The following EVC2 variants were observed in gnomAD, a reference collection of about 807,000 sequenced individuals.
EVC2 encodes the protein EvC ciliary complex subunit 2.
In EVC2, 148 loss-of-function variants were observed where a neutral mutation model predicts 149.3. That is an observed-to-expected ratio of 0.99 (90% CI 0.87 to 1.14). The LOEUF is 1.14. Among genes scored for constraint, EVC2 ranks in the 50% most tolerant of loss-of-function variants. The pLI is 0.00. For missense variants in EVC2, 1,854 were observed against 1,627.3 expected (o/e 1.14, Z -2.40); for synonymous variants, 776 against 649.9 (o/e 1.19, Z -2.95).
At chr4:5,532,456 T>G in the EVC2 span, among the ~76,000 whole-genome samples, 1 of 152,270 alleles carries the variant, frequency 6.6e-6, no homozygotes, top group Middle Eastern at 3.4e-3. Context: ...ACTCATACAA[T>G]TAACCAGCAC....
intron 7 of EVC2, among the ~76,000 whole-genome samples, chr4:5,676,301 C>A (rs1440100371): frequency 2.0e-5 from 3 of 152,198 alleles, no homozygotes; most frequent in African/African-American, 7.2e-5. Flanking sequence ...TCAGTTTCAC[C>A]CTCAGGAAAG....
intron 1 of EVC2, among the ~76,000 whole-genome samples, chr4:5,700,123 G>A (rs1391816688): frequency 6.6e-6 from 1 of 152,172 alleles, no homozygotes; most frequent in Non-Finnish European, 1.5e-5. Flanking sequence ...ATGGGTGACA[G>A]AGCGAGACTC....
intron 19 of EVC2, among the ~76,000 whole-genome samples, chr4:5,571,665 T>C (rs1452245149): frequency 1.3e-5 from 2 of 152,168 alleles, no homozygotes; most frequent in East Asian, 3.9e-4. Flanking sequence ...TTTTCTCTAG[T>C]ACAAAAAGAA....
intron 3 of EVC2, among the ~76,000 whole-genome samples, chr4:5,692,596 G>C (rs979346879): frequency 3.9e-5 from 6 of 151,986 alleles, no homozygotes; most frequent in Non-Finnish European, 8.8e-5. Flanking sequence ...TGCCGGGCGC[G>C]GTGGCTCACG....
intron 3 of EVC2, among the ~76,000 whole-genome samples, chr4:5,692,873 C>CAAAAAAA: frequency 2.7e-5 from 1 of 37,224 alleles, no homozygotes; most frequent in Non-Finnish European, 5.6e-5. Flanking sequence ...GACTCCGTCT[C>CAAAAAAA]AAAAAAAAAA....
rs1416506516 is a variant in EVC2, at chr4:5,568,568, C to A, written c.3433G>T (p.Val1145Leu). 2 of 1,606,680 alleles carry A rather than the reference C, an allele frequency of 1.2e-6. No individual in the cohort carries two copies. Among genetic ancestry groups the A allele is most frequent in the African/African-American group, 2.7e-5 (2 of 74,880 alleles). Reference protein sequence around the residue: ...PGATLRRLLSVVLPTASQPQL... With the variant: ...PGATLRRLLSLVLPTASQPQL... ...GGCTGTGAGGCTGTGGGCAGTACCA[C>A]ACTCAGGAGCCGGCGAAGCGTGGCC... Residue 1145 changes from valine to leucine, a missense_variant, in exon 20 of 22, where the codon GTG becomes TTG. Val to Leu is a conservative substitution (Grantham distance 32). Coordinates refer to ENST00000344408, the MANE Select transcript of EVC2 (RefSeq NM_147127.5).
chr4:5,661,447 A>G (rs1476311449), intron 9 of EVC2, among the ~76,000 whole-genome samples: 1 of 152,202 alleles, frequency 6.6e-6, no homozygotes, highest in Admixed American at 6.5e-5. Context: ...AATCAAAAAT[A>G]CACAGAGATA....
At position 5,622,428 on chromosome 4, in the gene EVC2, G is replaced by T; in HGVS notation, c.2501+109C>A. The T allele has an allele frequency of 7.8e-7, 1 of 1,276,758 alleles. No homozygotes were observed. Among genetic ancestry groups the T allele is most frequent in the Non-Finnish European group, 1.1e-6 (1 of 896,496 alleles). 79.1% of individuals were successfully genotyped at this position (1,276,758 alleles called of 1,614,324 possible). ...CTAATTAACGCTGGTAATCTCATCT[G>T]TCTGGGGCCAGGTGTCTCATGCTTG... On this transcript the variant is annotated intron_variant, in intron 14 of 21. Transcript: ENST00000344408. The surrounding 1 kb of genome is among the most constrained non-coding windows in gnomAD (Gnocchi z 5.8).
chr4:5,689,779 C>T (rs1462183341), intron 4 of EVC2, among the ~76,000 whole-genome samples: 5 of 152,148 alleles, frequency 3.3e-5, no homozygotes, highest in East Asian at 3.9e-4. Flanking sequence ...GCTGCTCGTC[C>T]GCCTCTTGGA....
rs1716955340 is a variant in EVC2 at position 5,637,350 on chromosome 4, T to C, written c.1470+3164A>G. Among the ~76,000 whole-genome samples the C allele has an allele frequency of 6.6e-6, 1 of 152,192 alleles. No homozygotes were observed. Among genetic ancestry groups the C allele is most frequent in the South Asian group, 2.1e-4 (1 of 4,822 alleles). On this transcript the variant is annotated intron_variant, in intron 10 of 21. Transcript: ENST00000344408. This position sits in a 1 kb window ranked among gnomAD's most constrained non-coding sequence, Gnocchi z 4.4. ...GGGGGCATGCTGCTGGACATGAGGC[T>C]GACTGTCCTCGGGCAGGTGAACCTT...
In EVC2 at chr4:5,618,115, A is replaced by G. The variant is rs1560168420; in HGVS notation, c.2706+363T>C. Among the ~76,000 whole-genome samples the G allele has an allele frequency of 1.3e-5, 2 of 152,132 alleles. No individual in the cohort carries two copies. The highest frequency in any genetic ancestry group is 1.9e-4 in the East Asian group (1 of 5,182). Reference sequence around the variant, plus strand: ...TATGCCATATAGAAAGGCCTTTTGTACCCAGAGTCAGTCATTAGCTGTGGC... The same window carrying G: ...TATGCCATATAGAAAGGCCTTTTGTGCCCAGAGTCAGTCATTAGCTGTGGC... On this transcript the variant is annotated intron_variant, in intron 15 of 21. Transcript: ENST00000344408. The surrounding 1 kb of genome is among the most constrained non-coding windows in gnomAD (Gnocchi z 4.4).
chr4:5,563,125 T>C lies in EVC2; in HGVS notation c.3660-10A>G, dbSNP rs371900491. On this transcript the variant is annotated splice_polypyrimidine_tract_variant and intron_variant, in intron 21 of 21. Coordinates refer to ENST00000344408, the MANE Select transcript of EVC2 (RefSeq NM_147127.5). ...TGTCTTCTTTAATATGCTAAAGAAATAGCAAAAGATCAAATTCAATATTTT... is the reference window on the plus strand; with the variant it reads ...TGTCTTCTTTAATATGCTAAAGAAACAGCAAAAGATCAAATTCAATATTTT... 3.2e-5 allele frequency: 52 copies of C among 1,609,700 alleles called. No homozygotes were observed. The highest frequency in any genetic ancestry group is 3.9e-5 in the Non-Finnish European group (46 of 1,178,030).
At chr4:5,685,785 C>T (rs1466008986) in intron 5 of EVC2, among the ~76,000 whole-genome samples, 1 of 152,204 alleles carries the variant, frequency 6.6e-6, no homozygotes, top group Non-Finnish European at 1.5e-5. Flanking sequence ...CCCTTTCTCA[C>T]TGTGCAGCGC....
chr4:5,565,245 T>TCCCCA lies in EVC2; in HGVS notation c.3659+12_3659+13insTGGGG. 1.2e-6 allele frequency: 2 copies of TCCCCA among 1,612,114 alleles called. No individual in the cohort carries two copies. Among genetic ancestry groups the TCCCCA allele is most frequent in the Non-Finnish European group, 1.7e-6 (2 of 1,178,472 alleles). On this transcript the variant is annotated intron_variant, in intron 21 of 21. Transcript: ENST00000344408. ...CCCCCTCCCCAGCCACATGAGCAGG[T>TCCCCA]GCCCATCATTACCTCTGCTTTCTCT...
At chr4:5,654,781 A>G (rs10804964) in intron 9 of EVC2, among the ~76,000 whole-genome samples, 104,591 of 152,092 alleles carry the variant, frequency 0.69, 36,597 homozygotes, top group African/African-American at 0.82. Flanking sequence ...TTGTTGAGTC[A>G]GGCCCCTATG....
rs550461908 is a variant in EVC2 at position 5,637,852 on chromosome 4, G to A, written c.1470+2662C>T. Among the ~76,000 whole-genome samples, 49 of 149,016 alleles carry A rather than the reference G, an allele frequency of 3.3e-4. No individual in the cohort carries two copies. The South Asian group carries it at 9.6e-3, about 29-fold the overall frequency. ...CTTTTTCTTTTTCAGCTTTGGTTCT[G>A]AAATCAGACAGCCTTTCTGTAAGGG... is the stretch of plus-strand genomic sequence containing the variant. On this transcript the variant is annotated intron_variant, in intron 10 of 21. Transcript: ENST00000344408. The surrounding 1 kb of genome is among the most constrained non-coding windows in gnomAD (Gnocchi z 4.4).
intron 16 of EVC2, among the ~76,000 whole-genome samples, chr4:5,597,036 T>C (rs1713491226): frequency 6.6e-6 from 1 of 152,192 alleles, no homozygotes; most frequent in Non-Finnish European, 1.5e-5. Context: ...AATCTCGGAA[T>C]AGACTAATAA....
Position 5,568,448 on chromosome 4 carries a change from G to T in EVC2, c.3553C>A (p.Arg1185=), listed in dbSNP as rs545528367. The T allele has an allele frequency of 2.0e-5, 31 of 1,554,836 alleles. No individual in the cohort carries two copies. Among genetic ancestry groups the T allele is most frequent in the Non-Finnish European group, 2.5e-5 (29 of 1,157,078 alleles). ...GGAEQADVGR[R]RKHQSWWQAL... is the part of the protein sequence containing the mutation. Reference sequence around the variant, plus strand: ...CAGCCCCTCCACGGCACTCACCTCCGCCTGCCCACGTCGGCCTGCTCCGCT... The same window carrying T: ...CAGCCCCTCCACGGCACTCACCTCCTCCTGCCCACGTCGGCCTGCTCCGCT... Residue 1185 remains arginine (R), a synonymous_variant, in exon 20 of 22, where the codon CGG becomes AGG. Coordinates refer to ENST00000344408, the MANE Select transcript of EVC2 (RefSeq NM_147127.5).
chr4:5,618,759 G>A lies in EVC2; in HGVS notation c.2502-77C>T. The A allele has an allele frequency of 3.0e-6, 4 of 1,351,718 alleles. No individual in the cohort carries two copies. The highest frequency in any genetic ancestry group is 2.5e-5 in the East Asian group (1 of 39,960). The allele number at this position is 1,351,718 out of a possible 1,614,324, so 83.7% of individuals were successfully genotyped here. A position where few individuals can be genotyped will look rare whatever the true frequency, so the allele number is the denominator to read the frequency against. ...GGGCTGGGGTGAAGAAGCCAGAGAT[G>A]CAAAGCTCATTCCTCATATCCATGT... On this transcript the variant is annotated intron_variant, in intron 14 of 21. Transcript: ENST00000344408. The surrounding 1 kb of genome is among the most constrained non-coding windows in gnomAD (Gnocchi z 4.4).
Sources: gnomAD v4.1 joint callset for allele counts (sites outside exome capture counted in the v4.1 genomes callset) on GRCh38, gnomAD v4.1.1 for gene constraint, Gnocchi (gnomAD v3.1) non-coding constraint, MANE v1.5 for transcripts, NCBI Gene and HGNC (gene_info 2026-07-23, HGNC 2026-07-21) for gene names.